RTN4: variants seen among roughly 807,000 people sequenced by gnomAD.
RTN4 encodes the protein reticulon 4, also known as reticulon-4.
Under a neutral mutation model 90.4 loss-of-function variants are expected in RTN4, and 32 were observed. That is an observed-to-expected ratio of 0.35 (90% CI 0.27 to 0.48). RTN4 has a LOEUF of 0.48. RTN4 is among the 20% of genes least tolerant of loss of function. RTN4 has a pLI of 0.99. For synonymous variants in RTN4, 629 were observed against 552.5 expected (o/e 1.14, Z -1.94); for missense variants, 1,706 against 1,430.2 (o/e 1.19, Z -3.11).
At position 55,049,773 on chromosome 2, in the gene RTN4, G is replaced by A. The variant is rs780921602; in HGVS notation, c.528C>T (p.Pro176=). ...PAAPPSTPAA[P]KRRGSSGSVD... is the part of the protein sequence containing the mutation. ...CTGAGCCCGAGGAGCCCCTGCGCTT[G>A]GGCGCGGCCGGGGTGGAGGGGGGCG... Residue 176 remains proline (P), a synonymous_variant, in exon 1 of 9, where the codon CCC becomes CCT. Coordinates refer to ENST00000337526, the MANE Select transcript of RTN4 (RefSeq NM_020532.5). 1 of 1,325,144 alleles carries A rather than the reference G, an allele frequency of 7.5e-7. No individual in the cohort carries two copies. Among genetic ancestry groups the A allele is most frequent in the South Asian group, 2.1e-5 (1 of 48,708 alleles). 82.1% of individuals were successfully genotyped at this position (1,325,144 alleles called of 1,614,324 possible).
rs7588687 is a variant in RTN4 at position 54,972,945 on chromosome 2, A to G, written c.*211T>C. ...ATATGATTACGGTTTAAATCCATAC[A>G]TAGCAGCTTACAATACTTAAGATGA... On this transcript the variant is annotated 3_prime_UTR_variant, in exon 9 of 9. Transcript: ENST00000337526. The G allele has an allele frequency of 9.5e-4, 421 of 445,004 alleles. 1 individual carries two copies. The highest frequency in any genetic ancestry group is 6.7e-3 in the African/African-American group (342 of 50,912). The allele number at this position is 445,004 out of a possible 1,614,324, so 27.6% of individuals were successfully genotyped here.
intron 3 of RTN4, among the ~76,000 whole-genome samples, chr2:55,021,895 TATG>T (rs1166272923): frequency 6.6e-6 from 1 of 152,196 alleles, no homozygotes; most frequent in Non-Finnish European, 1.5e-5. Flanking sequence ...AGTAAGTTGC[TATG>T]ATAACTAATA....
chr2:55,026,463 T>A lies in RTN4; in HGVS notation c.1636A>T (p.Met546Leu), dbSNP rs771348749. 4 of 1,613,984 alleles carry A rather than the reference T, an allele frequency of 2.5e-6. No homozygotes were observed. The highest frequency in any genetic ancestry group is 1.7e-5 in the Admixed American group (1 of 59,960). ...TKVTEEVVANMPEGLTPDLVQ... is the reference protein window; with the variant it reads ...TKVTEEVVANLPEGLTPDLVQ... ...AAATCTGGAGTCAGGCCTTCAGGCATGTTTGCCACGACTTCCTCAGTCACC... is the reference window on the plus strand; with the variant it reads ...AAATCTGGAGTCAGGCCTTCAGGCAAGTTTGCCACGACTTCCTCAGTCACC... Residue 546 changes from methionine (M) to leucine (L), a missense_variant, in exon 3 of 9, where the codon ATG (methionine) becomes TTG (leucine). Coordinates refer to ENST00000337526, the MANE Select transcript of RTN4 (RefSeq NM_020532.5).
the RTN4 span, among the ~76,000 whole-genome samples, chr2:55,131,996 C>G: frequency 1.3e-5 from 2 of 152,120 alleles, no homozygotes; most frequent in African/African-American, 4.8e-5. Flanking sequence ...CATGTTTTAT[C>G]AGAAGTCCTT....
intron 3 of RTN4, among the ~76,000 whole-genome samples, chr2:55,002,788 T>C (rs1366772065): frequency 6.6e-6 from 1 of 152,186 alleles, no homozygotes. Context: ...TTAACGATTT[T>C]TCAATTGTAA....
At chr2:55,120,427 GC>G in the RTN4 span, among the ~76,000 whole-genome samples, 3 of 152,006 alleles carry the variant, frequency 2.0e-5, no homozygotes, top group African/African-American at 7.2e-5. Context: ...CCTTCCTCCG[GC>G]CCAGGCTTTA....
At chr2:55,075,006 G>A (rs1668576634) in intron 2 of RTN4, among the ~76,000 whole-genome samples, 1 of 152,190 alleles carries the variant, frequency 6.6e-6, no homozygotes, top group East Asian at 1.9e-4. Context: ...TATTGCCCCT[G>A]ATAACTGGAA....
At chr2:55,076,717 G>A (rs941578697) in intron 2 of RTN4, among the ~76,000 whole-genome samples, 1 of 151,844 alleles carries the variant, frequency 6.6e-6, no homozygotes, top group African/African-American at 2.4e-5. Flanking sequence ...ATCTTGAATT[G>A]TAGTTCCCAT....
chr2:54,987,223 G>A (rs1678635448), intron 4 of RTN4, among the ~76,000 whole-genome samples: 2 of 152,164 alleles, frequency 1.3e-5, no homozygotes. Context: ...ATTCAAGTAA[G>A]ATAACCAATG....
intron 4 of RTN4, among the ~76,000 whole-genome samples, chr2:54,983,470 G>T (rs1387545564): frequency 6.6e-6 from 1 of 152,130 alleles, no homozygotes; most frequent in East Asian, 1.9e-4. Flanking sequence ...AGTGCTGAGT[G>T]TTCCCTCGTA....
Position 55,027,212 on chromosome 2 carries a change from T to C in RTN4, c.887A>G (p.Glu296Gly). The C allele has an allele frequency of 6.2e-7, 1 of 1,613,750 alleles. No homozygotes were observed. The highest frequency in any genetic ancestry group is 1.1e-5 in the South Asian group (1 of 91,072). ...DRDLTEFSEL[E>G]YSEMGSSFSV... is the part of the protein sequence containing the mutation. ...GAACGATGATCCCATTTCTGAGTAT[T>C]CTAATTCTGAAAACTCTGTTAAATC... Residue 296 changes from glutamate to glycine, a missense_variant, in exon 3 of 9, where the codon GAA (glutamate) becomes GGA (glycine). Transcript: ENST00000337526.
chr2:55,051,720 T>C (rs1475128225), upstream of RTN4, among the ~76,000 whole-genome samples: 1 of 152,214 alleles, frequency 6.6e-6, no homozygotes, highest in African/African-American at 2.4e-5. Context: ...AAATTAGATG[T>C]GCTGTAAGTG....
upstream of RTN4, among the ~76,000 whole-genome samples, chr2:55,054,594 A>G (rs1236606044): frequency 6.6e-6 from 1 of 152,182 alleles, no homozygotes; most frequent in Non-Finnish European, 1.5e-5. Context: ...AAGGCGTAGG[A>G]TGGGTATACT....
chr2:55,073,608 T>G (rs1399132524), intron 2 of RTN4, among the ~76,000 whole-genome samples: 1 of 152,206 alleles, frequency 6.6e-6, no homozygotes, highest in Non-Finnish European at 1.5e-5. Context: ...TACACTACTA[T>G]GTCAATGTGC....
intron 3 of RTN4, chr2:55,010,403 T>A: frequency 8.2e-7 from 1 of 1,213,890 alleles, no homozygotes; most frequent in Non-Finnish European, 1.0e-6. Flanking sequence ...TTGTTGCTCA[T>A]ACCAAATGGA....
intron 1 of RTN4, among the ~76,000 whole-genome samples, chr2:55,093,157 G>A (rs973007403): frequency 6.6e-6 from 1 of 152,136 alleles, no homozygotes. Context: ...GCCAATTATA[G>A]TGACAGCTCT....
rs920792512 is a variant in RTN4 at position 54,972,867 on chromosome 2, G to A, written c.*289C>T. ...ATGCGGCAAGACTATCTGCAACAAAGTAAAATATACAGGTTTTTTATTCCA... is the reference window on the plus strand; with the variant it reads ...ATGCGGCAAGACTATCTGCAACAAAATAAAATATACAGGTTTTTTATTCCA... On this transcript the variant is annotated 3_prime_UTR_variant, in exon 9 of 9. Transcript: ENST00000337526. 1.1e-5 allele frequency: 3 copies of A among 271,012 alleles called. No individual in the cohort carries two copies. The highest frequency in any genetic ancestry group is 1.1e-4 in the Admixed American group (2 of 18,420). The allele number at this position is 271,012 out of a possible 1,614,324, so 16.8% of individuals were successfully genotyped here. A position where few individuals can be genotyped will look rare whatever the true frequency, so the allele number is the denominator to read the frequency against.
intron 2 of RTN4, among the ~76,000 whole-genome samples, chr2:55,057,196 G>A (rs1668205460): frequency 6.6e-6 from 1 of 152,232 alleles, no homozygotes; most frequent in Admixed American, 6.5e-5. Flanking sequence ...TAACCATACA[G>A]TGGTATTAAA....
At chr2:55,031,781 AC>A (rs1682335110) in intron 1 of RTN4, among the ~76,000 whole-genome samples, 2 of 152,174 alleles carry the variant, frequency 1.3e-5, no homozygotes, top group Admixed American at 6.5e-5. Flanking sequence ...CACAATAAAA[AC>A]AGAGACGAAC....
Sources: gnomAD v4.1 joint callset for allele counts (sites outside exome capture counted in the v4.1 genomes callset) on GRCh38, gnomAD v4.1.1 for gene constraint, MANE v1.5 for transcripts, NCBI Gene and HGNC (gene_info 2026-07-23, HGNC 2026-07-21) for gene names.